RABGAP1L: variants seen among roughly 807,000 people sequenced by gnomAD.
RABGAP1L encodes RAB GTPase activating protein 1 like, also known as rab GTPase-activating protein 1-like.
A neutral mutation model predicts 137.7 loss-of-function variants in RABGAP1L; 63 were observed. The observed-to-expected ratio is 0.46, with a 90% CI of 0.37 to 0.56. The LOEUF is 0.56. Among genes scored for constraint, RABGAP1L ranks in the 20% least tolerant of loss-of-function variants. The probability of loss-of-function intolerance (pLI) is 0.00; values close to 1 mark genes in which losing one functional copy is unlikely to be tolerated. For synonymous variants in RABGAP1L, 431 were observed against 433.7 expected, an observed-to-expected ratio of 0.99 and a Z score of 0.08; for missense variants, 1,095 against 1,244.0, an observed-to-expected ratio of 0.88 and a Z score of 1.80.
At chr1:174,305,348 C>A (rs1478800122) in intron 11 of RABGAP1L, among the ~76,000 whole-genome samples, 1 of 152,142 alleles carries the variant, frequency 6.6e-6, no homozygotes, top group Admixed American at 6.5e-5. Context: ...TTGACAGCAT[C>A]ACTTGGCTGC....
chr1:174,567,689 A>G (rs1667676929), intron 13 of RABGAP1L, among the ~76,000 whole-genome samples: 1 of 152,188 alleles, frequency 6.6e-6, no homozygotes, highest in African/African-American at 2.4e-5. Context: ...GTTTGCTATC[A>G]TTGTTATTAG....
intron 19 of RABGAP1L, among the ~76,000 whole-genome samples, chr1:174,836,836 A>G (rs891392741): frequency 1.1e-4 from 17 of 152,236 alleles, no homozygotes; most frequent in African/African-American, 3.1e-4. Context: ...GCAAAATGAT[A>G]TTATAAGTGC....
chr1:174,278,060 G>A (rs1447843515), intron 9 of RABGAP1L, among the ~76,000 whole-genome samples: 1 of 152,054 alleles, frequency 6.6e-6, no homozygotes, highest in Non-Finnish European at 1.5e-5. Context: ...ATTTAAAAAG[G>A]AATGAGGAAA....
At chr1:174,883,954 T>C (rs1654668892) in intron 19 of RABGAP1L, among the ~76,000 whole-genome samples, 1 of 152,160 alleles carries the variant, frequency 6.6e-6, no homozygotes, top group South Asian at 2.1e-4. Flanking sequence ...ATTGCTATAG[T>C]GTCAAAAGTC....
At chr1:174,717,936 T>C (rs992208960) in intron 17 of RABGAP1L, among the ~76,000 whole-genome samples, 9 of 152,224 alleles carry the variant, frequency 5.9e-5, no homozygotes, top group African/African-American at 2.2e-4. Flanking sequence ...CAAACTGTTA[T>C]AGTTCACACG....
chr1:174,502,716 A>G (rs901643270), intron 13 of RABGAP1L, among the ~76,000 whole-genome samples: 1 of 150,790 alleles, frequency 6.6e-6, no homozygotes, highest in Non-Finnish European at 1.5e-5. Context: ...GTGCATATAT[A>G]TACACACACA....
At chr1:174,365,063 C>G (rs571935979) in intron 11 of RABGAP1L, among the ~76,000 whole-genome samples, 2 of 152,290 alleles carry the variant, frequency 1.3e-5, no homozygotes, top group South Asian at 4.2e-4. Flanking sequence ...GAAGGAGACA[C>G]TTTCATGCTG....
chr1:174,297,744 G>C (rs1230049150), intron 10 of RABGAP1L, among the ~76,000 whole-genome samples: 1 of 152,114 alleles, frequency 6.6e-6, no homozygotes, highest in Non-Finnish European at 1.5e-5. Context: ...GGAGTTTGAT[G>C]GCCTGAAGGC....
chr1:174,328,007 A>ACG (rs1680687876), intron 11 of RABGAP1L, among the ~76,000 whole-genome samples: 1 of 137,126 alleles, frequency 7.3e-6, no homozygotes, highest in African/African-American at 2.8e-5. Context: ...ATATATATAT[A>ACG]TATATATATA....
rs540030164 is a variant in RABGAP1L, at chr1:174,551,092, G to A, written c.1711-86283G>A. On this transcript the variant is annotated intron_variant, in intron 13 of 25. Transcript: ENST00000681986. ...GGCATGGTGGCACACGCATGTAGTC[G>A]CAGCTACTCGGGAGGCTGAGGGAGG... 4.1e-4 allele frequency among the ~76,000 whole-genome samples: 59 copies of A among 144,610 alleles called. 1 individual carries two copies. The highest frequency in any genetic ancestry group is 2.2e-3 in the East Asian group (11 of 5,008). 94.9% of individuals were successfully genotyped at this position (144,610 alleles called of 152,430 possible).
At chr1:174,689,661 A>T (rs926277437) in intron 15 of RABGAP1L, among the ~76,000 whole-genome samples, 1 of 152,168 alleles carries the variant, frequency 6.6e-6, no homozygotes, top group Non-Finnish European at 1.5e-5. Flanking sequence ...GTCTTTTGCT[A>T]TAGCTCCTGC....
intron 13 of RABGAP1L, among the ~76,000 whole-genome samples, chr1:174,468,928 T>G (rs1034633399): frequency 5.9e-5 from 9 of 152,344 alleles, no homozygotes; most frequent in African/African-American, 2.2e-4. Context: ...TTTTTGCTTT[T>G]GAGTAGATTA....
At chr1:174,169,834 T>G (rs1255874361) in intron 1 of RABGAP1L, among the ~76,000 whole-genome samples, 2 of 136,976 alleles carry the variant, frequency 1.5e-5, no homozygotes, top group Non-Finnish European at 3.2e-5. Flanking sequence ...GGTGGGACTA[T>G]AGGACTGTAC....
chr1:174,454,694 C>T (rs542473934), intron 13 of RABGAP1L, among the ~76,000 whole-genome samples: 90 of 151,768 alleles, frequency 5.9e-4, no homozygotes, highest in African/African-American at 1.9e-3. Flanking sequence ...AGACTACAGG[C>T]GCCCACCAGC....
intron 13 of RABGAP1L, among the ~76,000 whole-genome samples, chr1:174,489,636 C>A (rs1286036420): frequency 6.6e-6 from 1 of 152,104 alleles, no homozygotes; most frequent in East Asian, 1.9e-4. Flanking sequence ...CCTCAAGGAT[C>A]TAGAACTAGA....
intron 8 of RABGAP1L, among the ~76,000 whole-genome samples, chr1:174,272,997 A>G (rs1249229207): frequency 6.6e-6 from 1 of 152,048 alleles, no homozygotes; most frequent in Admixed American, 6.6e-5. Flanking sequence ...AACAGTTGAT[A>G]TTTAGTGTAA....
intron 11 of RABGAP1L, among the ~76,000 whole-genome samples, chr1:174,322,142 A>G (rs1680052277): frequency 6.6e-6 from 1 of 152,130 alleles, no homozygotes; most frequent in Admixed American, 6.6e-5. Flanking sequence ...GTGTCGTAAT[A>G]AATCCTTGCC....
chr1:174,300,891 A>G (rs1162374741), intron 10 of RABGAP1L, among the ~76,000 whole-genome samples: 1 of 152,136 alleles, frequency 6.6e-6, no homozygotes, highest in African/African-American at 2.4e-5. Context: ...TGAATGAATC[A>G]ATGTCTGAGA....
intron 17 of RABGAP1L, among the ~76,000 whole-genome samples, chr1:174,744,803 C>A (rs1329022059): frequency 6.6e-6 from 1 of 152,090 alleles, no homozygotes; most frequent in Non-Finnish European, 1.5e-5. Flanking sequence ...TCCAGAATTG[C>A]ATCCTGGACC....
Sources: gnomAD v4.1 joint callset for allele counts (sites outside exome capture counted in the v4.1 genomes callset) on GRCh38, gnomAD v4.1.1 for gene constraint, MANE v1.5 for transcripts, NCBI Gene and HGNC (gene_info 2026-07-23, HGNC 2026-07-21) for gene names.